ZFHX3: variants seen among roughly 807,000 people sequenced by gnomAD.
The protein encoded by ZFHX3 is zinc finger homeobox 3.
ZFHX3 carries 42 observed loss-of-function variants against 279.1 expected under a neutral mutation model. The observed-to-expected ratio is 0.15, with a 90% CI of 0.12 to 0.19. The LOEUF (loss-of-function observed/expected upper bound fraction) is 0.19. Ranked by LOEUF, ZFHX3 falls within the 10% of genes least tolerant of loss-of-function variation. The pLI is 1.00. For missense variants in ZFHX3, 4,981 were observed against 4,754.0 expected, an observed-to-expected ratio of 1.05 and a Z score of -1.40; for synonymous variants, 2,293 against 1,957.8, an observed-to-expected ratio of 1.17 and a Z score of -4.52.
intron 1 of ZFHX3, among the ~76,000 whole-genome samples, chr16:73,784,796 A>AAAATAT (rs56734827): frequency 0.016 from 2,043 of 130,950 alleles, 35 homozygotes; most frequent in South Asian, 0.029. Context: ...TAAAAAAAAA[A>AAAATAT]ATATATATAT....
intron 8 of ZFHX3, among the ~76,000 whole-genome samples, chr16:73,085,221 A>G (rs1965997867): frequency 6.6e-6 from 1 of 152,232 alleles, no homozygotes; most frequent in Non-Finnish European, 1.5e-5. Flanking sequence ...ATAGAAAACC[A>G]GAAATAAGTC....
rs11449684 is a variant in ZFHX3, at chr16:73,450,456, TA to T, written c.-1291+5546del. Among the ~76,000 whole-genome samples the T allele has an allele frequency of 3.9e-4, 59 of 151,360 alleles. No homozygotes were observed. The South Asian group carries it at 7.1e-3, about 18-fold the overall frequency. ...ATGTAGCGGACATGTGTCATTTTTATAAAAAAAAAGTCATTATTCCATAAAA... is the reference window on the plus strand; with the variant it reads ...ATGTAGCGGACATGTGTCATTTTTATAAAAAAAAGTCATTATTCCATAAAA... On this transcript the variant is annotated intron_variant, in intron 3 of 17. Coordinates refer to the ZFHX3 transcript ENST00000641206.
At chr16:73,416,764 C>T (rs1048130335) in intron 3 of ZFHX3, among the ~76,000 whole-genome samples, 1 of 144,816 alleles carries the variant, frequency 6.9e-6, no homozygotes, top group Non-Finnish European at 1.6e-5. Flanking sequence ...GTCCCAGCTA[C>T]CAGGGAGGCT....
intron 2 of ZFHX3, among the ~76,000 whole-genome samples, chr16:73,672,287 T>C (rs183261546): frequency 6.6e-6 from 1 of 152,168 alleles, no homozygotes; most frequent in Non-Finnish European, 1.5e-5. Context: ...CAAGGCAAGA[T>C]ATACAAAACC....
chr16:72,803,086 C>T (rs530004798), intron 7 of ZFHX3, among the ~76,000 whole-genome samples: 1 of 152,160 alleles, frequency 6.6e-6, no homozygotes, highest in Non-Finnish European at 1.5e-5. Flanking sequence ...AATCCCAGCA[C>T]TTTGGGAGGC....
At chr16:73,795,479 G>A (rs1393364948) in intron 1 of ZFHX3, among the ~76,000 whole-genome samples, 1 of 152,156 alleles carries the variant, frequency 6.6e-6, no homozygotes, top group Non-Finnish European at 1.5e-5. Flanking sequence ...TGGCTGATGA[G>A]AGATGACAAG....
intron 3 of ZFHX3, among the ~76,000 whole-genome samples, chr16:73,387,890 G>A (rs2016932957): frequency 6.6e-6 from 1 of 151,788 alleles, no homozygotes; most frequent in Non-Finnish European, 1.5e-5. Context: ...TGTGTAAAAG[G>A]TCATCTCCCA....
chr16:73,107,944 G>A (rs567431002), intron 7 of ZFHX3, among the ~76,000 whole-genome samples: 4 of 152,202 alleles, frequency 2.6e-5, no homozygotes, highest in South Asian at 2.1e-4. Context: ...GGCGGATCAC[G>A]AGGTCAGGAG....
intron 1 of ZFHX3, among the ~76,000 whole-genome samples, chr16:73,000,428 T>A (rs909814456): frequency 6.6e-6 from 1 of 152,182 alleles, no homozygotes; most frequent in Non-Finnish European, 1.5e-5. Flanking sequence ...TCCATTTTTT[T>A]CCTAACTCAT....
intron 2 of ZFHX3, among the ~76,000 whole-genome samples, chr16:73,576,994 T>A (rs931769155): frequency 6.6e-6 from 1 of 152,166 alleles, no homozygotes; most frequent in South Asian, 2.1e-4. Flanking sequence ...ATAAATTTGC[T>A]TTGGTTTGCA....
chr16:73,011,665 G>A (rs1455100699), intron 1 of ZFHX3, among the ~76,000 whole-genome samples: 1 of 151,978 alleles, frequency 6.6e-6, no homozygotes, highest in Admixed American at 6.6e-5. Context: ...AGAGGTCGCA[G>A]TGCATGGATA....
chr16:72,899,290 C>T (rs1414775275), intron 3 of ZFHX3, among the ~76,000 whole-genome samples: 1 of 151,794 alleles, frequency 6.6e-6, no homozygotes, highest in African/African-American at 2.4e-5. Flanking sequence ...GTGCAGTTAC[C>T]CCTGCTGCTG....
intron 4 of ZFHX3, among the ~76,000 whole-genome samples, chr16:72,869,645 G>C (rs2038107317): frequency 6.6e-6 from 1 of 152,186 alleles, no homozygotes; most frequent in Admixed American, 6.5e-5. Flanking sequence ...AGAAAACCGG[G>C]AAGGGGAGTA....
rs77684046 is a variant in ZFHX3, at chr16:73,537,242, G to A, written c.-1546-80984C>T. Among the ~76,000 whole-genome samples the A allele has an allele frequency of 2.7e-3, 412 of 150,418 alleles. 12 individuals are homozygous for A. In the East Asian group the frequency reaches 0.062, roughly 23 times the overall value. On this transcript the variant is annotated intron_variant, in intron 2 of 17. Coordinates refer to the ZFHX3 transcript ENST00000641206. ...TCACCAATACCACTTTCAGCCCTAA[G>A]AGGAGAAAGCTCAGGAATGTTTTCT...
At chr16:72,853,736 A>G (rs902146839) in intron 4 of ZFHX3, among the ~76,000 whole-genome samples, 2 of 152,186 alleles carry the variant, frequency 1.3e-5, no homozygotes, top group African/African-American at 4.8e-5. Flanking sequence ...AGGGCGGGGA[A>G]GGAAGAAAAG....
In ZFHX3 at chr16:72,784,922, A is replaced by AAAAAG. The variant is rs1178360466; in HGVS notation, c.*2237_*2241dup. 2 of 152,542 alleles carry AAAAAG rather than the reference A, an allele frequency of 1.3e-5. No individual in the cohort carries two copies. Among genetic ancestry groups the AAAAAG allele is most frequent in the Admixed American group, 6.5e-5 (1 of 15,302 alleles). The allele number at this position is 152,542 out of a possible 1,614,324, so 9.4% of individuals were successfully genotyped here. A position where few individuals can be genotyped will look rare whatever the true frequency, so the allele number is the denominator to read the frequency against. Reference sequence around the variant, plus strand: ...TAAAATAGTCCCGGCTAAAAAAGAAAAAAAGAAAAAAAATCCATTTTCAGA... The same window carrying AAAAAG: ...TAAAATAGTCCCGGCTAAAAAAGAAAAAAAGAAAAGAAAAAAAATCCATTTTCAGA... On this transcript the variant is annotated 3_prime_UTR_variant, in exon 10 of 10. Coordinates refer to ENST00000268489, the MANE Select transcript of ZFHX3 (RefSeq NM_006885.4).
At chr16:73,756,313 A>G (rs149018571) in intron 1 of ZFHX3, among the ~76,000 whole-genome samples, 5 of 152,310 alleles carry the variant, frequency 3.3e-5, no homozygotes, top group African/African-American at 1.2e-4. Context: ...TCATCTTTAG[A>G]GTATAATCTG....
chr16:73,071,527 G>C (rs1294712562), intron 8 of ZFHX3, among the ~76,000 whole-genome samples: 1 of 152,122 alleles, frequency 6.6e-6, no homozygotes, highest in Non-Finnish European at 1.5e-5. Context: ...TCAGGGGCTG[G>C]GGAGGCTGCT....
intron 1 of ZFHX3, among the ~76,000 whole-genome samples, chr16:72,988,297 G>A (rs1962931379): frequency 6.6e-6 from 1 of 152,158 alleles, no homozygotes; most frequent in African/African-American, 2.4e-5. Flanking sequence ...CTAGGGCAGG[G>A]AACAGCCAGC....
Sources: gnomAD v4.1 joint callset for allele counts (sites outside exome capture counted in the v4.1 genomes callset) on GRCh38, gnomAD v4.1.1 for gene constraint, MANE v1.5 for transcripts, NCBI Gene and HGNC (gene_info 2026-07-23, HGNC 2026-07-21) for gene names.